The following NKAIN2 variants were observed in gnomAD, a reference collection of about 807,000 sequenced individuals.
NKAIN2 encodes the protein sodium/potassium-transporting ATPase subunit beta-1-interacting protein 2.
In NKAIN2, 14 loss-of-function variants were observed where a neutral mutation model predicts 32.6. The ratio of observed to expected loss-of-function variants is 0.43; its 90% CI spans 0.28 to 0.67. The LOEUF (loss-of-function observed/expected upper bound fraction) is 0.67. Ranked by LOEUF, NKAIN2 falls within the 30% of genes least tolerant of loss-of-function variation. NKAIN2 has a pLI of 0.17. For missense variants in NKAIN2, 198 were observed against 258.3 expected (o/e 0.77, Z 1.60); for synonymous variants, 80 against 87.2 (o/e 0.92, Z 0.46).
intron 1 of NKAIN2, among the ~76,000 whole-genome samples, chr6:124,001,332 A>C (rs111468610): frequency 1.4e-3 from 217 of 152,196 alleles, no homozygotes; most frequent in African/African-American, 5.0e-3. Flanking sequence ...AGTAAAAAAC[A>C]ACATGAATGA....
intron 3 of NKAIN2, among the ~76,000 whole-genome samples, chr6:124,633,619 A>G (rs762245560): frequency 2.4e-4 from 37 of 152,236 alleles, no homozygotes; most frequent in Non-Finnish European, 4.6e-4. Flanking sequence ...ATAAACATGG[A>G]AAAGGTCATA....
At chr6:124,096,222 G>C (rs550408701) in intron 1 of NKAIN2, among the ~76,000 whole-genome samples, 1 of 152,114 alleles carries the variant, frequency 6.6e-6, no homozygotes, top group Non-Finnish European at 1.5e-5. Flanking sequence ...TGTCATACAG[G>C]ATGATCCAAC....
Position 124,794,582 on chromosome 6 carries a change from G to T in NKAIN2, c.535+3183G>T, listed in dbSNP as rs1203754084. ...CACGTTTTATCATGTTAGTCTTATTGCTCAGTGCGCAAAATATGAACCCTT... is the reference window on the plus strand; with the variant it reads ...CACGTTTTATCATGTTAGTCTTATTTCTCAGTGCGCAAAATATGAACCCTT... On this transcript the variant is annotated intron_variant, in intron 5 of 6. Transcript: ENST00000368417. Among the ~76,000 whole-genome samples the T allele has an allele frequency of 2.6e-5, 4 of 152,072 alleles. No individual in the cohort carries two copies. In the East Asian group the frequency reaches 5.8e-4, roughly 22 times the overall value.
At chr6:124,765,154 C>T (rs145709556) in intron 4 of NKAIN2, among the ~76,000 whole-genome samples, 4 of 152,142 alleles carry the variant, frequency 2.6e-5, no homozygotes, top group African/African-American at 9.7e-5. Flanking sequence ...TTGGATCTCA[C>T]TGAAACATGT....
intron 1 of NKAIN2, among the ~76,000 whole-genome samples, chr6:123,960,434 G>A (rs560031453): frequency 3.7e-4 from 57 of 152,270 alleles, no homozygotes; most frequent in African/African-American, 1.3e-3. Context: ...AGGCTTTGAA[G>A]CTCTGAGTTT....
At chr6:124,727,758 C>A (rs1279799816) in intron 4 of NKAIN2, among the ~76,000 whole-genome samples, 1 of 125,104 alleles carries the variant, frequency 8.0e-6, no homozygotes. Flanking sequence ...AAGACACAGA[C>A]TGGCAAATTG....
At chr6:124,220,937 T>A (rs1791780249) in intron 1 of NKAIN2, among the ~76,000 whole-genome samples, 1 of 152,134 alleles carries the variant, frequency 6.6e-6, no homozygotes, top group Non-Finnish European at 1.5e-5. Context: ...ATAAAAGAAA[T>A]AATTTTAAAC....
intron 1 of NKAIN2, among the ~76,000 whole-genome samples, chr6:123,909,081 C>A (rs557538211): frequency 5.3e-5 from 8 of 152,200 alleles, no homozygotes; most frequent in South Asian, 2.1e-4. Context: ...ATATTCCAGT[C>A]ATTTTTTTTC....
chr6:123,864,549 T>C lies in NKAIN2; in HGVS notation c.54+60295T>C, dbSNP rs541538035. Among the ~76,000 whole-genome samples, 190 of 152,190 alleles carry C rather than the reference T, an allele frequency of 1.2e-3. 3 individuals are homozygous for C. The highest frequency in any genetic ancestry group is 3.7e-3 in the Admixed American group (56 of 15,284). ...AAGAGGATAGTTAGAGATGTGGATG[T>C]GGGAAGGTACATTTTCATTTAGAGC... On this transcript the variant is annotated intron_variant, in intron 1 of 6. Transcript: ENST00000368417.
chr6:124,688,466 T>A (rs1442148993), intron 4 of NKAIN2, among the ~76,000 whole-genome samples: 1 of 152,106 alleles, frequency 6.6e-6, no homozygotes, highest in Admixed American at 6.6e-5. Context: ...AATTGATGAA[T>A]CTGCATTGAG....
At chr6:124,465,087 C>T (rs899007725) in intron 3 of NKAIN2, among the ~76,000 whole-genome samples, 7 of 151,922 alleles carry the variant, frequency 4.6e-5, no homozygotes, top group African/African-American at 7.2e-5. Flanking sequence ...CCTTCACATC[C>T]CTTATAAACA....
At chr6:124,510,571 A>G (rs1327605451) in intron 3 of NKAIN2, among the ~76,000 whole-genome samples, 10 of 152,174 alleles carry the variant, frequency 6.6e-5, no homozygotes, top group Non-Finnish European at 1.3e-4. Flanking sequence ...TATGCATTTG[A>G]TATTTACAGT....
chr6:123,878,179 T>C (rs1025964915), intron 1 of NKAIN2, among the ~76,000 whole-genome samples: 12 of 152,032 alleles, frequency 7.9e-5, no homozygotes, highest in African/African-American at 2.7e-4. Context: ...TGAGCTGAGA[T>C]TGCACCATTG....
At chr6:124,342,380 G>GT (rs1400628430) in intron 2 of NKAIN2, among the ~76,000 whole-genome samples, 1 of 145,656 alleles carries the variant, frequency 6.9e-6, no homozygotes, top group African/African-American at 2.7e-5. Context: ...CTGCACTCCA[G>GT]TCTGGGTGAC....
At chr6:124,732,795 T>A (rs976769216) in intron 4 of NKAIN2, among the ~76,000 whole-genome samples, 1 of 152,006 alleles carries the variant, frequency 6.6e-6, no homozygotes, top group Admixed American at 6.6e-5. Context: ...TAATTTTACT[T>A]TATGTTCTAG....
chr6:124,735,052 A>C (rs555500922), intron 4 of NKAIN2, among the ~76,000 whole-genome samples: 1 of 152,000 alleles, frequency 6.6e-6, no homozygotes, highest in East Asian at 1.9e-4. Context: ...CTGTTTTTTG[A>C]TTTGTGAAAT....
chr6:124,796,415 G>A (rs545946032), intron 5 of NKAIN2, among the ~76,000 whole-genome samples: 2 of 152,142 alleles, frequency 1.3e-5, no homozygotes, highest in Non-Finnish European at 2.9e-5. Context: ...ATGAATTTGA[G>A]GGGGATCACA....
chr6:124,653,596 G>C (rs1784441561), intron 3 of NKAIN2, among the ~76,000 whole-genome samples: 1 of 151,924 alleles, frequency 6.6e-6, no homozygotes. Flanking sequence ...ACTTGGATTT[G>C]GCAATGACTT....
At chr6:124,305,215 G>A (rs756799009) in intron 2 of NKAIN2, among the ~76,000 whole-genome samples, 2 of 152,070 alleles carry the variant, frequency 1.3e-5, no homozygotes, top group African/African-American at 2.4e-5. Context: ...TACAAGTGAC[G>A]TGATTGGAAC....
Sources: gnomAD v4.1 joint callset for allele counts (sites outside exome capture counted in the v4.1 genomes callset) on GRCh38, gnomAD v4.1.1 for gene constraint, MANE v1.5 for transcripts, NCBI Gene and HGNC (gene_info 2026-07-23, HGNC 2026-07-21) for gene names.